Variants in TARBP1 observed in about 807,000 individuals in gnomAD.
TARBP1 encodes the protein tRNA guanosine 2 -O-methyltransferase TARBP1, also known as tRNA (guanosine(18)-2'-O)-methyltransferase TARBP1.
A neutral mutation model predicts 178.6 loss-of-function variants in TARBP1; 144 were observed. The observed-to-expected ratio is 0.81, with a 90% CI of 0.70 to 0.93. The LOEUF is 0.93. TARBP1 is among the 40% of genes least tolerant of loss of function. The pLI is 0.00. For missense variants in TARBP1, 2,067 were observed against 2,011.7 expected, an observed-to-expected ratio of 1.03 and a Z score of -0.53; for synonymous variants, 787 against 781.0, an observed-to-expected ratio of 1.01 and a Z score of -0.13.
chr1:234,468,536 A>G (rs777977164), intron 3 of TARBP1, among the ~76,000 whole-genome samples: 15 of 152,132 alleles, frequency 9.9e-5, no homozygotes, highest in Non-Finnish European at 1.6e-4. Flanking sequence ...ATATTACCCC[A>G]TGCATGCAGG....
chr1:234,467,780 T>C, intron 3 of TARBP1, 130 bp from the exon 4 acceptor site: 6 of 1,032,256 alleles, frequency 5.8e-6, no homozygotes. Flanking sequence ...TTTTTGTTAC[T>C]GTTTTTTGAG....
intron 23 of TARBP1, among the ~76,000 whole-genome samples, chr1:234,408,277 TG>T (rs1661468615): frequency 6.6e-6 from 1 of 151,756 alleles, no homozygotes; most frequent in Non-Finnish European, 1.5e-5. Flanking sequence ...GTAACTGAGG[TG>T]GGGAAAGAGA....
intron 14 of TARBP1, among the ~76,000 whole-genome samples, chr1:234,432,638 T>C (rs2103140112): frequency 6.6e-6 from 1 of 152,228 alleles, no homozygotes. Context: ...GCCAAGTGTA[T>C]GCTGGAGGAG....
At chr1:234,459,096 A>G (rs925165075) in intron 8 of TARBP1, 134 bp downstream of exon 8, 1 of 630,188 alleles carries the variant, frequency 1.6e-6, no homozygotes, top group African/African-American at 1.8e-5. Context: ...TTATTTTATT[A>G]CAAGCACATT....
intron 23 of TARBP1, among the ~76,000 whole-genome samples, chr1:234,408,963 T>C (rs1238608540): frequency 6.6e-6 from 1 of 152,162 alleles, no homozygotes; most frequent in Non-Finnish European, 1.5e-5. Context: ...TTGTTTTGAA[T>C]CTCTAATTGC....
intron 12 of TARBP1, among the ~76,000 whole-genome samples, chr1:234,441,927 C>T (rs527986219): frequency 2.0e-5 from 3 of 152,190 alleles, no homozygotes; most frequent in African/African-American, 7.2e-5. Context: ...ACATATTATC[C>T]ATTCATCTAC....
intron 5 of TARBP1, among the ~76,000 whole-genome samples, chr1:234,464,722 G>A (rs932358788): frequency 5.3e-5 from 8 of 152,160 alleles, no homozygotes; most frequent in Non-Finnish European, 1.2e-4. Flanking sequence ...GGCTGGTGGG[G>A]GGAGGTAGTT....
At chr1:234,457,591 T>C in intron 9 of TARBP1, 76 bp downstream of exon 9, 1 of 896,452 alleles carries the variant, frequency 1.1e-6, no homozygotes, top group Non-Finnish European at 1.7e-6. Flanking sequence ...TTTATATAAA[T>C]GGCTACTAAG....
chr1:234,394,813 C>T (rs1659754292), intron 26 of TARBP1, among the ~76,000 whole-genome samples: 1 of 152,192 alleles, frequency 6.6e-6, no homozygotes, highest in Non-Finnish European at 1.5e-5. Flanking sequence ...ATTCTGTTGG[C>T]CAGGCATGGT....
chr1:234,403,904 T>A (rs1660957832), intron 24 of TARBP1, among the ~76,000 whole-genome samples: 1 of 152,122 alleles, frequency 6.6e-6, no homozygotes, highest in East Asian at 1.9e-4. Flanking sequence ...GTCAGGCTGG[T>A]CTCGAACTCC....
intron 1 of TARBP1, among the ~76,000 whole-genome samples, chr1:234,474,245 AACACACACACACACAC>A (rs35976593): frequency 1.5e-4 from 12 of 81,592 alleles, no homozygotes; most frequent in Admixed American, 9.1e-4. Flanking sequence ...TTGTCTCTAA[AACACACACACACACAC>A]ACACACACAC....
intron 20 of TARBP1, among the ~76,000 whole-genome samples, chr1:234,424,581 T>C (rs1436487835): frequency 6.6e-6 from 1 of 152,230 alleles, no homozygotes; most frequent in Non-Finnish European, 1.5e-5. Context: ...TCTCAGTTTT[T>C]ACTTTTTCAT....
At chr1:234,457,460 C>T (rs1018640895) in intron 9 of TARBP1, among the ~76,000 whole-genome samples, 4 of 152,194 alleles carry the variant, frequency 2.6e-5, no homozygotes, top group Non-Finnish European at 4.4e-5. Flanking sequence ...ATCTGTACTG[C>T]AAACATTTTC....
chr1:234,404,564 A>C (rs1168145152), intron 24 of TARBP1, among the ~76,000 whole-genome samples: 1 of 152,224 alleles, frequency 6.6e-6, no homozygotes, highest in Non-Finnish European at 1.5e-5. Context: ...GAAAAGATCA[A>C]GATTTTTAGT....
At chr1:234,432,063 G>T (rs559856755) in intron 14 of TARBP1, among the ~76,000 whole-genome samples, 1 of 149,830 alleles carries the variant, frequency 6.7e-6, no homozygotes, top group East Asian at 2.0e-4. Context: ...CTTGAACCTG[G>T]GGGGCCAAGG....
intron 13 of TARBP1, among the ~76,000 whole-genome samples, chr1:234,436,806 T>C (rs1665069435): frequency 6.6e-6 from 1 of 152,150 alleles, no homozygotes; most frequent in Non-Finnish European, 1.5e-5. Flanking sequence ...AAAGAACAAA[T>C]TATGTACAGT....
At chr1:234,422,838 T>A (rs1447623744) in intron 20 of TARBP1, among the ~76,000 whole-genome samples, 1 of 152,190 alleles carries the variant, frequency 6.6e-6, no homozygotes, top group Non-Finnish European at 1.5e-5. Context: ...TCAAAATATC[T>A]CATACACCCC....
intron 24 of TARBP1, among the ~76,000 whole-genome samples, chr1:234,405,103 T>C (rs1661080397): frequency 6.6e-6 from 1 of 152,220 alleles, no homozygotes; most frequent in African/African-American, 2.4e-5. Flanking sequence ...TTGCCTATTA[T>C]GCTGCTTCCA....
chr1:234,458,963 T>C (rs1667568592), intron 8 of TARBP1, among the ~76,000 whole-genome samples: 1 of 152,222 alleles, frequency 6.6e-6, no homozygotes, highest in Non-Finnish European at 1.5e-5. Flanking sequence ...GTTTTCAGCA[T>C]AAACCACATT....
Sources: allele counts gnomAD v4.1 joint callset (sites outside exome capture counted in the v4.1 genomes callset), GRCh38; gene constraint gnomAD v4.1.1; transcripts MANE v1.5; gene names NCBI Gene and HGNC (gene_info 2026-07-23, HGNC 2026-07-21).